SYT1: variants seen among roughly 807,000 people sequenced by gnomAD.
The protein encoded by SYT1 is synaptotagmin 1.
SYT1 carries 8 observed loss-of-function variants against 44.8 expected under a neutral mutation model. That is an observed-to-expected ratio of 0.18 (90% CI 0.10 to 0.32). SYT1 has a LOEUF of 0.32. Ranked by LOEUF, SYT1 falls within the 10% of genes least tolerant of loss-of-function variation. The pLI is 1.00. For synonymous variants in SYT1, 154 were observed against 188.8 expected, an observed-to-expected ratio of 0.82 and a Z score of 1.51; for missense variants, 286 against 509.3, an observed-to-expected ratio of 0.56 and a Z score of 4.22.
chr12:79,257,378 G>A (rs1399261335), intron 4 of SYT1, among the ~76,000 whole-genome samples: 1 of 152,216 alleles, frequency 6.6e-6, no homozygotes, highest in East Asian at 1.9e-4. Flanking sequence ...TCTTGCCAGT[G>A]GTACTACAGT....
intron 3 of SYT1, among the ~76,000 whole-genome samples, chr12:79,196,589 C>A (rs1244542182): frequency 6.6e-6 from 1 of 152,134 alleles, no homozygotes; most frequent in Non-Finnish European, 1.5e-5. Flanking sequence ...CTTTTAGTAA[C>A]AACTACAGAG....
At chr12:79,150,721 G>A (rs1475134235) in intron 3 of SYT1, among the ~76,000 whole-genome samples, 1 of 152,130 alleles carries the variant, frequency 6.6e-6, no homozygotes, top group African/African-American at 2.4e-5. Flanking sequence ...AAGGAATCTG[G>A]AATGATTGGG....
chr12:79,391,360 T>C (rs1884650034), intron 9 of SYT1, among the ~76,000 whole-genome samples: 1 of 152,092 alleles, frequency 6.6e-6, no homozygotes, highest in Admixed American at 6.5e-5. Context: ...AAAACAAAAA[T>C]AACAAGTCAG....
At chr12:79,329,029 G>T (rs552383164) in intron 8 of SYT1, among the ~76,000 whole-genome samples, 55 of 152,182 alleles carry the variant, frequency 3.6e-4, no homozygotes, top group African/African-American at 1.3e-3. Flanking sequence ...ACACATCCCA[G>T]TTAGCAGCCA....
rs1222771441 is a variant in SYT1, at chr12:79,026,670, TA to T, written c.-83-20626del. ...TGTGTGTATATACATATATATTTTA[TA>T]TATATATATATATATATATATATAT... On this transcript the variant is annotated intron_variant, in intron 2 of 10. Transcript: ENST00000261205. Among the ~76,000 whole-genome samples the T allele has an allele frequency of 7.2e-3, 220 of 30,496 alleles. 2 individuals are homozygous for T. Among genetic ancestry groups the T allele is most frequent in the East Asian group, 0.064 (35 of 544 alleles). 20.0% of individuals were successfully genotyped at this position (30,496 alleles called of 152,430 possible).
rs1877667216 is a variant in SYT1, at chr12:78,931,238, A to AGAAAG, written c.-216-46558_-216-46557insAGGAA. Among the ~76,000 whole-genome samples, 59 of 41,128 alleles carry AGAAAG rather than the reference A, an allele frequency of 1.4e-3. 5 individuals are homozygous for AGAAAG. Among genetic ancestry groups the AGAAAG allele is most frequent in the African/African-American group, 4.1e-3 (36 of 8,848 alleles). The allele number at this position is 41,128 out of a possible 152,430, so 27.0% of individuals were successfully genotyped here. A position where few individuals can be genotyped will look rare whatever the true frequency, so the allele number is the denominator to read the frequency against. ...AAGAAAGAAAGAAAGAAAGAAAGAA[A>AGAAAG]GAAGGAAGGAAGGAAGGAAGGAAGG... On this transcript the variant is annotated intron_variant, in intron 1 of 10. Coordinates refer to ENST00000261205, the MANE Select transcript of SYT1 (RefSeq NM_005639.3).
intron 8 of SYT1, among the ~76,000 whole-genome samples, chr12:79,313,536 G>T (rs564827146): frequency 2.7e-5 from 4 of 150,132 alleles, no homozygotes; most frequent in African/African-American, 4.9e-5. Context: ...ACCTTAAATT[G>T]CATTCTATTA....
chr12:78,946,734 A>G (rs922086683), intron 1 of SYT1, among the ~76,000 whole-genome samples: 6 of 152,100 alleles, frequency 3.9e-5, no homozygotes, highest in African/African-American at 1.4e-4. Context: ...AAAAGCATGT[A>G]TTTATAAAAC....
intron 8 of SYT1, among the ~76,000 whole-genome samples, chr12:79,325,158 T>G (rs1881553297): frequency 6.6e-6 from 1 of 152,170 alleles, no homozygotes; most frequent in African/African-American, 2.4e-5. Flanking sequence ...GCATGGGGGT[T>G]GCAGGGGGAG....
At chr12:79,201,216 G>A (rs1873766754) in intron 3 of SYT1, among the ~76,000 whole-genome samples, 1 of 152,068 alleles carries the variant, frequency 6.6e-6, no homozygotes, top group South Asian at 2.1e-4. Context: ...TGACTACCTT[G>A]ACTACCTCTA....
intron 3 of SYT1, among the ~76,000 whole-genome samples, chr12:79,142,749 T>C (rs926517568): frequency 1.3e-5 from 2 of 152,250 alleles, no homozygotes; most frequent in African/African-American, 4.8e-5. Flanking sequence ...ATCATTGCTT[T>C]TAATCACTGG....
intron 2 of SYT1, among the ~76,000 whole-genome samples, chr12:78,980,210 T>G (rs748095560): frequency 6.6e-6 from 1 of 152,126 alleles, no homozygotes; most frequent in Non-Finnish European, 1.5e-5. Flanking sequence ...TTCTGAACCA[T>G]GAAAAGACGG....
intron 1 of SYT1, among the ~76,000 whole-genome samples, chr12:78,921,626 T>C (rs1464725478): frequency 6.6e-6 from 1 of 151,942 alleles, no homozygotes; most frequent in Non-Finnish European, 1.5e-5. Context: ...AAGTGCTAGG[T>C]AATGAAGACA....
At chr12:79,329,704 G>A (rs1881771603) in intron 8 of SYT1, among the ~76,000 whole-genome samples, 1 of 152,104 alleles carries the variant, frequency 6.6e-6, no homozygotes, top group Non-Finnish European at 1.5e-5. Flanking sequence ...TCTAGTAAGT[G>A]GCAAGCCAGA....
intron 1 of SYT1, among the ~76,000 whole-genome samples, chr12:78,938,810 T>C (rs1047610545): frequency 6.6e-5 from 10 of 152,214 alleles, no homozygotes; most frequent in African/African-American, 2.4e-4. Context: ...CTGCCGTCTT[T>C]GTGTAGCTCA....
rs182479595 is a variant in SYT1 at position 79,093,841 on chromosome 12, T to C, written c.-18+46479T>C. Among the ~76,000 whole-genome samples, 510 of 151,878 alleles carry C rather than the reference T, an allele frequency of 3.4e-3. 2 individuals carry two copies. The highest frequency in any genetic ancestry group is 0.011 in the African/African-American group (471 of 41,532). On this transcript the variant is annotated intron_variant, in intron 3 of 10. Coordinates refer to ENST00000261205, the MANE Select transcript of SYT1 (RefSeq NM_005639.3). The stretch of plus-strand genomic sequence containing the variant: ...TAGTAGTTTTAATTACATATATTAA[T>C]TAGAATTTCAATTCTTAGTAATCTT...
At chr12:79,342,154 C>G (rs979150708) in intron 8 of SYT1, among the ~76,000 whole-genome samples, 7 of 152,140 alleles carry the variant, frequency 4.6e-5, no homozygotes, top group African/African-American at 1.7e-4. Context: ...GAAGATTATT[C>G]TAAATGATCA....
intron 1 of SYT1, among the ~76,000 whole-genome samples, chr12:78,969,708 C>G (rs1157521636): frequency 6.6e-6 from 1 of 151,994 alleles, no homozygotes; most frequent in Admixed American, 6.6e-5. Flanking sequence ...CAGCAGGACC[C>G]AGGAAATAAA....
intron 3 of SYT1, among the ~76,000 whole-genome samples, chr12:79,180,408 C>T (rs2138409180): frequency 1.3e-5 from 2 of 151,956 alleles, no homozygotes; most frequent in South Asian, 4.2e-4. Context: ...TCATTTAAAG[C>T]TTTAGTATTG....
Sources: gnomAD v4.1 joint callset for allele counts (sites outside exome capture counted in the v4.1 genomes callset) on GRCh38, gnomAD v4.1.1 for gene constraint, MANE v1.5 for transcripts, NCBI Gene and HGNC (gene_info 2026-07-23, HGNC 2026-07-21) for gene names.